The following PTPRD variants were observed in gnomAD, a reference collection of about 807,000 sequenced individuals.
PTPRD encodes the protein receptor-type tyrosine-protein phosphatase delta.
In PTPRD, 34 loss-of-function variants were observed where a neutral mutation model predicts 214.5. The ratio of observed to expected loss-of-function variants is 0.16; its 90% CI spans 0.12 to 0.21. PTPRD has a LOEUF of 0.21. Ranked by LOEUF, PTPRD falls within the 10% of genes least tolerant of loss-of-function variation. PTPRD has a pLI of 1.00. For synonymous variants in PTPRD, 1,128 were observed against 845.7 expected (o/e 1.33, Z -5.79); for missense variants, 2,545 against 2,398.7 (o/e 1.06, Z -1.27).
At chr9:9,944,199 C>G (rs2092167968) in intron 4 of PTPRD, among the ~76,000 whole-genome samples, 1 of 152,058 alleles carries the variant, frequency 6.6e-6, no homozygotes, top group Non-Finnish European at 1.5e-5. Flanking sequence ...GCTTTGTTCC[C>G]TTCTCTTTCA....
At chr9:10,176,752 A>G (rs2099250917) in intron 3 of PTPRD, among the ~76,000 whole-genome samples, 2 of 152,022 alleles carry the variant, frequency 1.3e-5, no homozygotes, top group African/African-American at 2.4e-5. Context: ...GCTCCAGTTG[A>G]GTAAACCATG....
At chr9:8,633,981 GC>G (rs1164570034) in intron 13 of PTPRD, among the ~76,000 whole-genome samples, 2 of 151,912 alleles carry the variant, frequency 1.3e-5, no homozygotes, top group Non-Finnish European at 2.9e-5. Flanking sequence ...TACTTAGGCA[GC>G]CAACGAGACA....
chr9:8,331,884 ATGGTTT>A (rs989880376), intron 43 of PTPRD, 148 bp from the exon 44 acceptor site: 50 of 902,492 alleles, frequency 5.5e-5, no homozygotes, highest in East Asian at 2.8e-4. Flanking sequence ...AAACTTAGTT[ATGGTTT>A]ATCTGCTATA....
At chr9:10,065,132 G>A (rs1312908437) in intron 3 of PTPRD, among the ~76,000 whole-genome samples, 1 of 22,120 alleles carries the variant, frequency 4.5e-5, no homozygotes, top group East Asian at 1.2e-3. Context: ...ACTTTGTTGT[G>A]ACTTGGATTA....
intron 11 of PTPRD, among the ~76,000 whole-genome samples, chr9:8,834,833 C>T (rs964203001): frequency 5.3e-5 from 8 of 152,210 alleles, no homozygotes; most frequent in African/African-American, 1.9e-4. Flanking sequence ...AATATATAAA[C>T]TTGCCATTTC....
At chr9:8,410,623 G>C (rs1564615973) in intron 35 of PTPRD, among the ~76,000 whole-genome samples, 1 of 152,082 alleles carries the variant, frequency 6.6e-6, no homozygotes, top group African/African-American at 2.4e-5. Context: ...ACCTTTAGTA[G>C]TAGAAAAGGC....
Position 8,555,413 on chromosome 9 carries a change from AG to A in PTPRD, c.353-26635del. On this transcript the variant is annotated intron_variant, in intron 14 of 45. Coordinates refer to ENST00000381196, the MANE Select transcript of PTPRD (RefSeq NM_002839.4). Reference sequence around the variant, plus strand: ...CAGAGAAAAAACCAAAAAGACTAAAAGGGAGTAAAAGCAAACAAACTCTTAC... The same window carrying A: ...CAGAGAAAAAACCAAAAAGACTAAAAGGAGTAAAAGCAAACAAACTCTTAC... 4.6e-5 allele frequency among the ~76,000 whole-genome samples: 7 copies of A among 152,352 alleles called. No individual in the cohort carries two copies. In the South Asian group the frequency reaches 1.4e-3, roughly 32 times the overall value.
chr9:9,419,244 A>C (rs1473252282), intron 8 of PTPRD, among the ~76,000 whole-genome samples: 1 of 118,656 alleles, frequency 8.4e-6, no homozygotes, highest in Admixed American at 9.3e-5. Flanking sequence ...TGGAAAATGA[A>C]GACAGTCTCA....
At chr9:8,978,413 G>A (rs1394303334) in intron 11 of PTPRD, among the ~76,000 whole-genome samples, 1 of 151,986 alleles carries the variant, frequency 6.6e-6, no homozygotes, top group African/African-American at 2.4e-5. Flanking sequence ...TTCACATATT[G>A]GGCTCTCAAT....
chr9:8,369,613 T>C (rs2080923424), intron 39 of PTPRD, among the ~76,000 whole-genome samples: 1 of 151,864 alleles, frequency 6.6e-6, no homozygotes, highest in African/African-American at 2.4e-5. Context: ...GCTTATTTTA[T>C]TTTCCTTGAG....
At chr9:9,244,133 A>C (rs1470917346) in intron 9 of PTPRD, among the ~76,000 whole-genome samples, 1 of 152,172 alleles carries the variant, frequency 6.6e-6, no homozygotes, top group Non-Finnish European at 1.5e-5. Flanking sequence ...TACAAAATAA[A>C]AGAGGATACA....
chr9:8,434,649 T>C (rs1171781366), intron 35 of PTPRD, among the ~76,000 whole-genome samples: 1 of 152,112 alleles, frequency 6.6e-6, no homozygotes, highest in African/African-American at 2.4e-5. Context: ...AATAAATAAT[T>C]AAAGCAGGGC....
Position 8,484,240 on chromosome 9 carries a change from T to G in PTPRD, c.3292A>C (p.Arg1098=), listed in dbSNP as rs12344148. 13,384 of 1,614,054 alleles carry G rather than the reference T, an allele frequency of 8.3e-3. 947 individuals are homozygous for G. In the African/African-American group the frequency reaches 0.15, roughly 19 times the overall value. ...TCTGGTGCAGTCTTTGCCGTGACCC[T>G]GTGCTGCAGCCCACCAGCACTGTTT... The part of the protein sequence containing the change: ...RGNSAGGLQH[R]VTAKTAPDVL... The change falls in exon 30 of 46, where the codon AGG becomes CGG. Residue 1098 remains arginine (R), a synonymous_variant. Transcript: ENST00000381196.
intron 41 of PTPRD, 103 bp from the exon 42 acceptor site, chr9:8,340,572 A>AT (rs1296652068): frequency 8.8e-7 from 1 of 1,137,108 alleles, no homozygotes; most frequent in Non-Finnish European, 1.2e-6. Context: ...AAACGAAAAC[A>AT]TATTATTAAT....
chr9:9,153,472 C>A (rs7855515), intron 10 of PTPRD, among the ~76,000 whole-genome samples: 32,521 of 151,940 alleles, frequency 0.21, 7,085 homozygotes, highest in African/African-American at 0.55. Flanking sequence ...TGGAATTAAA[C>A]ATTTACATAA....
chr9:8,645,375 T>A (rs987983113), intron 12 of PTPRD, among the ~76,000 whole-genome samples: 1 of 152,246 alleles, frequency 6.6e-6, no homozygotes, highest in Non-Finnish European at 1.5e-5. Flanking sequence ...ATTTTACTTA[T>A]ACATTCCATT....
chr9:9,786,294 T>G (rs2098923196), intron 5 of PTPRD, among the ~76,000 whole-genome samples: 1 of 152,214 alleles, frequency 6.6e-6, no homozygotes, highest in Non-Finnish European at 1.5e-5. Context: ...CCATTATAAG[T>G]TAAAACTATT....
chr9:9,738,995 G>C (rs182830580), intron 6 of PTPRD, among the ~76,000 whole-genome samples: 274 of 152,134 alleles, frequency 1.8e-3, no homozygotes, highest in African/African-American at 6.4e-3. Context: ...AAATGCATTT[G>C]ATTTCTTAGT....
chr9:8,848,682 A>AT (rs1001642196), intron 11 of PTPRD, among the ~76,000 whole-genome samples: 21 of 151,918 alleles, frequency 1.4e-4, no homozygotes, highest in Non-Finnish European at 2.4e-4. Flanking sequence ...TGAGATAAAT[A>AT]TTTTTTTTAA....
Sources: allele counts gnomAD v4.1 joint callset (sites outside exome capture counted in the v4.1 genomes callset), GRCh38; gene constraint gnomAD v4.1.1; transcripts MANE v1.5; gene names NCBI Gene and HGNC (gene_info 2026-07-23, HGNC 2026-07-21).